The following NCOA7 variants were observed in gnomAD, a reference collection of about 807,000 sequenced individuals.
NCOA7 encodes the protein nuclear receptor coactivator 7, also known as 140 kDa estrogen receptor-associated protein.
In NCOA7, 45 loss-of-function variants were observed where a neutral mutation model predicts 104.3. The observed-to-expected ratio is 0.43, with a 90% CI of 0.34 to 0.55. The LOEUF is 0.55. Ranked by LOEUF, NCOA7 falls within the 20% of genes least tolerant of loss-of-function variation. NCOA7 has a pLI of 0.02. For missense variants in NCOA7, 1,041 were observed against 1,119.7 expected, an observed-to-expected ratio of 0.93 and a Z score of 1.00; for synonymous variants, 398 against 402.3, an observed-to-expected ratio of 0.99 and a Z score of 0.13.
intron 4 of NCOA7, 32 bp downstream of exon 4, chr6:125,875,000 T>A: frequency 6.2e-6 from 9 of 1,459,676 alleles, no homozygotes; most frequent in Non-Finnish European, 8.7e-6. Context: ...TAAATGTTTG[T>A]TAATAGCACT....
chr6:125,899,736 C>A (rs1053266177), intron 10 of NCOA7, among the ~76,000 whole-genome samples: 2 of 151,954 alleles, frequency 1.3e-5, no homozygotes, highest in Non-Finnish European at 2.9e-5. Flanking sequence ...ACCTTTTTTT[C>A]ATCAACTGAA....
intron 3 of NCOA7, among the ~76,000 whole-genome samples, chr6:125,873,383 G>GT (rs953256745): frequency 2.0e-5 from 3 of 151,728 alleles, no homozygotes; most frequent in Non-Finnish European, 4.4e-5. Context: ...TTATTTATGT[G>GT]TTTTTTTTAG....
chr6:125,908,379 C>G (rs751922677), intron 10 of NCOA7, among the ~76,000 whole-genome samples: 11 of 152,188 alleles, frequency 7.2e-5, no homozygotes, highest in Non-Finnish European at 1.5e-4. Flanking sequence ...AGTAGCACAC[C>G]ATGCCTCAAT....
At chr6:125,859,948 A>T (rs1202040529) in intron 3 of NCOA7, among the ~76,000 whole-genome samples, 1 of 152,200 alleles carries the variant, frequency 6.6e-6, no homozygotes, top group East Asian at 1.9e-4. Context: ...CATGGTGCTA[A>T]TTCTAAAAAT....
At position 125,844,682 on chromosome 6, in the gene NCOA7, T is replaced by G. The variant is rs560545825; in HGVS notation, c.51-10338T>G. 2.0e-5 allele frequency among the ~76,000 whole-genome samples: 3 copies of G among 152,330 alleles called. No individual in the cohort carries two copies. In the South Asian group the frequency reaches 6.2e-4, roughly 32 times the overall value. ...GAAATAATAAGTGGCTTTGTATTGA[T>G]GACTAAATTCATAGAGTTAAATACA... On this transcript the variant is annotated intron_variant, in intron 2 of 15. Transcript: ENST00000392477.
intron 6 of NCOA7, among the ~76,000 whole-genome samples, chr6:125,882,099 C>A (rs1783887189): frequency 6.6e-6 from 1 of 152,120 alleles, no homozygotes; most frequent in Non-Finnish European, 1.5e-5. Context: ...GGTGATCTGC[C>A]CACCCCGGCC....
At chr6:125,885,421 A>G (rs1784176721) in intron 8 of NCOA7, 78 bp downstream of exon 8, 3 of 1,425,412 alleles carry the variant, frequency 2.1e-6, no homozygotes, top group South Asian at 1.2e-5. Flanking sequence ...GGGCATTTGC[A>G]TGATTGAGGG....
chr6:125,796,159 A>G (rs922826856), intron 1 of NCOA7, among the ~76,000 whole-genome samples: 7 of 152,146 alleles, frequency 4.6e-5, no homozygotes, highest in African/African-American at 7.2e-5. Flanking sequence ...GTAGGCTTCC[A>G]TACTAGGAGT....
intron 3 of NCOA7, among the ~76,000 whole-genome samples, chr6:125,855,941 G>T (rs1273417894): frequency 6.6e-6 from 1 of 152,062 alleles, no homozygotes; most frequent in Non-Finnish European, 1.5e-5. Context: ...ATCTTAAAGG[G>T]AATCTTGAAA....
intron 1 of NCOA7, among the ~76,000 whole-genome samples, chr6:125,803,516 G>A (rs1776118335): frequency 6.6e-6 from 1 of 152,084 alleles, no homozygotes; most frequent in Admixed American, 6.6e-5. Context: ...AGCATAAGTT[G>A]TTTATTGCCA....
At chr6:125,807,585 A>T (rs1262174203) in intron 1 of NCOA7, among the ~76,000 whole-genome samples, 1 of 152,192 alleles carries the variant, frequency 6.6e-6, no homozygotes, top group Admixed American at 6.5e-5. Context: ...CATCAGATTC[A>T]TGTGGGGTAA....
chr6:125,884,647 T>C (rs1274657696), intron 7 of NCOA7, among the ~76,000 whole-genome samples: 1 of 152,228 alleles, frequency 6.6e-6, no homozygotes, highest in African/African-American at 2.4e-5. Context: ...TTTTGTTGGA[T>C]ATGGGCTTTC....
At position 125,915,446 on chromosome 6, in the gene NCOA7, A is replaced by G. The variant is rs1562180196; in HGVS notation, c.2210A>G (p.Asn737Ser). 13 of 1,613,874 alleles carry G rather than the reference A, an allele frequency of 8.1e-6. No individual in the cohort carries two copies. The highest frequency in any genetic ancestry group is 1.1e-5 in the Non-Finnish European group (13 of 1,179,822). Residue 737 changes from asparagine (N) to serine (S), a missense_variant, in exon 11 of 16, where the codon AAC becomes AGC. Asn to Ser is a conservative substitution (Grantham distance 46). Around this residue, in one of 2 missense-constraint regions of NCOA7, gnomAD observed 914 missense variants for 942.7 expected, o/e 0.97. Transcript: ENST00000392477. ...VEKEELNMID[N>S]FFSEPTTKSW... ...AAGGAAGAACTGAACATGATTGACAACTTCTTCAGTGAGCCAACAACCAAG... is the reference window on the plus strand; with the variant it reads ...AAGGAAGAACTGAACATGATTGACAGCTTCTTCAGTGAGCCAACAACCAAG...
chr6:125,908,541 T>C (rs1418348543), intron 10 of NCOA7, among the ~76,000 whole-genome samples: 5 of 152,216 alleles, frequency 3.3e-5, no homozygotes, highest in African/African-American at 1.2e-4. Context: ...GAAGCTCTAA[T>C]AATATTGAGA....
chr6:125,904,715 G>A (rs561140106), intron 10 of NCOA7, among the ~76,000 whole-genome samples: 1 of 152,288 alleles, frequency 6.6e-6, no homozygotes, highest in South Asian at 2.1e-4. Flanking sequence ...GACACTGGCT[G>A]CATTTTGGAG....
At chr6:125,837,527 C>T (rs935784582) in intron 2 of NCOA7, among the ~76,000 whole-genome samples, 1 of 152,192 alleles carries the variant, frequency 6.6e-6, no homozygotes, top group African/African-American at 2.4e-5. Flanking sequence ...CTTCCCCAAA[C>T]TCTTTCTCCT....
chr6:125,792,280 C>T (rs905157845), intron 1 of NCOA7, among the ~76,000 whole-genome samples: 12 of 152,158 alleles, frequency 7.9e-5, no homozygotes, highest in African/African-American at 2.9e-4. Context: ...ATTTATATTT[C>T]AATTCTGACA....
intron 1 of NCOA7, among the ~76,000 whole-genome samples, chr6:125,814,455 G>A (rs1777389686): frequency 6.6e-6 from 1 of 152,148 alleles, no homozygotes; most frequent in South Asian, 2.1e-4. Flanking sequence ...CGCACAGCCT[G>A]CTTTTTTTGA....
intron 1 of NCOA7, among the ~76,000 whole-genome samples, chr6:125,793,340 C>T (rs957170956): frequency 1.3e-5 from 2 of 152,146 alleles, no homozygotes; most frequent in African/African-American, 4.8e-5. Context: ...GCTCTCTTTA[C>T]CTTGTTACTT....
Sources: gnomAD v4.1 joint callset for allele counts (sites outside exome capture counted in the v4.1 genomes callset) on GRCh38, gnomAD v4.1.1 for gene constraint, gnomAD v4.1.1 regional missense constraint, MANE v1.5 for transcripts, NCBI Gene and HGNC (gene_info 2026-07-23, HGNC 2026-07-21) for gene names.